The following LDB3 variants were observed in gnomAD, a reference collection of about 807,000 sequenced individuals.
LDB3 encodes the protein LIM domain binding 3.
A neutral mutation model predicts 69.0 loss-of-function variants in LDB3; 49 were observed. The ratio of observed to expected loss-of-function variants is 0.71; its 90% confidence interval spans 0.56 to 0.90. LDB3 has a LOEUF of 0.90. Among genes scored for constraint, LDB3 ranks in the 40% least tolerant of loss-of-function variants. The pLI, the probability that LDB3 is intolerant of heterozygous loss-of-function variation, is 0.00. For missense variants in LDB3, 928 were observed against 974.1 expected (o/e 0.95, Z 0.63); for synonymous variants, 387 against 396.2 (o/e 0.98, Z 0.28).
chr10:86,673,988 G>C (rs2675700), intron 2 of LDB3, among the ~76,000 whole-genome samples: 69,429 of 151,828 alleles, frequency 0.46, 16,121 homozygotes, highest in Non-Finnish European at 0.5. Flanking sequence ...TTGGACAGAA[G>C]TTTCCTCCCC....
intron 5 of LDB3, among the ~76,000 whole-genome samples, chr10:86,682,160 A>G (rs1276250482): frequency 6.6e-6 from 1 of 152,204 alleles, no homozygotes; most frequent in African/African-American, 2.4e-5. Flanking sequence ...ACAGGACAGC[A>G]CAGCCTGCAG....
In LDB3 at chr10:86,696,230, C is replaced by T. The variant is rs541701915; in HGVS notation, c.896+3659C>T. ...AGTTTTGCCCCCCCTGCAGCCACCTCGCTTACACGCCGCACAGCATAGGGC... is the reference window on the plus strand; with the variant it reads ...AGTTTTGCCCCCCCTGCAGCCACCTTGCTTACACGCCGCACAGCATAGGGC... On this transcript the variant is annotated intron_variant, in intron 7 of 13. Transcript: ENST00000361373. Among the ~76,000 whole-genome samples, 83 of 152,214 alleles carry T rather than the reference C, an allele frequency of 5.5e-4. 1 individual carries two copies. The South Asian group carries it at 0.017, about 31-fold the overall frequency.
intron 11 of LDB3, 96 bp downstream of exon 11, chr10:86,718,240 T>C: frequency 2.5e-6 from 3 of 1,213,310 alleles, no homozygotes; most frequent in South Asian, 1.2e-5. Context: ...AAGTTGCTGG[T>C]AACAGAGAAA....
At chr10:86,709,131 A>G (rs1247561066) in intron 8 of LDB3, among the ~76,000 whole-genome samples, 1 of 152,196 alleles carries the variant, frequency 6.6e-6, no homozygotes, top group Non-Finnish European at 1.5e-5. Flanking sequence ...ACAATTGGGG[A>G]ACACTGATCA....
chr10:86,672,940 C>T (rs2354362), intron 2 of LDB3, among the ~76,000 whole-genome samples: 43,031 of 151,990 alleles, frequency 0.28, 7,051 homozygotes, highest in East Asian at 0.46. Context: ...GGGCCAGGCT[C>T]TGCTGGGGGC....
At position 86,699,437 on chromosome 10, in the gene LDB3, G is replaced by T; in HGVS notation, c.896+6866G>T. ...CTCCCTCCATCCTTACCCCCACACA[G>T]ATCTGGCATGTGAGCCCCACGGTGA... is the stretch of plus-strand genomic sequence containing the variant. On this transcript the variant is annotated intron_variant, in intron 7 of 13. Transcript: ENST00000361373. The surrounding 1 kb of genome is among the most constrained non-coding windows in gnomAD (Gnocchi z 4.9). 1 of 1,610,906 alleles carries T rather than the reference G, an allele frequency of 6.2e-7. No homozygotes were observed.
At position 86,699,509 on chromosome 10, in the gene LDB3, C is replaced by T. The variant is rs901391973; in HGVS notation, c.896+6938C>T. 29 of 1,526,054 alleles carry T rather than the reference C, an allele frequency of 1.9e-5. No individual in the cohort carries two copies. The highest frequency in any genetic ancestry group is 9.7e-5 in the South Asian group (8 of 82,516). The allele number at this position is 1,526,054 out of a possible 1,614,324, so 94.5% of individuals were successfully genotyped here. ...GCTGGGGGCACCTCTGATGGCCAAC[C>T]GCAGCATTTCTGTCCTCTGCCCACC... is the stretch of plus-strand genomic sequence containing the variant. On this transcript the variant is annotated intron_variant, in intron 7 of 13. Transcript: ENST00000361373. This position sits in a 1 kb window ranked among gnomAD's most constrained non-coding sequence, Gnocchi z 4.9.
intron 7 of LDB3, among the ~76,000 whole-genome samples, chr10:86,705,008 G>A (rs749865475): frequency 2.6e-5 from 4 of 152,180 alleles, no homozygotes; most frequent in South Asian, 2.1e-4. Context: ...AAGCCACCAC[G>A]CCTGGCTAGG....
chr10:86,727,887 G>T (rs1289437480), intron 13 of LDB3, among the ~76,000 whole-genome samples: 1 of 150,600 alleles, frequency 6.6e-6, no homozygotes, highest in Non-Finnish European at 1.5e-5. Context: ...GCCCAGGCTG[G>T]GGTGCAATGG....
At chr10:86,671,684 G>T (rs1022204097) in intron 2 of LDB3, among the ~76,000 whole-genome samples, 1 of 152,200 alleles carries the variant, frequency 6.6e-6, no homozygotes, top group Non-Finnish European at 1.5e-5. Context: ...CTGTGGTCTG[G>T]GGTCTCACCT....
chr10:86,725,161 G>A (rs1010671960), intron 12 of LDB3, among the ~76,000 whole-genome samples: 3 of 152,190 alleles, frequency 2.0e-5, no homozygotes, highest in African/African-American at 7.2e-5. Context: ...ACGGGATGGA[G>A]CTTTTCTAGA....
chr10:86,709,215 G>A (rs765476470), intron 8 of LDB3, among the ~76,000 whole-genome samples: 15 of 152,210 alleles, frequency 9.9e-5, no homozygotes, highest in Non-Finnish European at 1.5e-5. Context: ...AGGCCACGAC[G>A]CACAGACTCT....
At chr10:86,676,578 A>G (rs572703683) in intron 2 of LDB3, among the ~76,000 whole-genome samples, 52 of 142,714 alleles carry the variant, frequency 3.6e-4, no homozygotes, top group Non-Finnish European at 5.8e-4. Flanking sequence ...AAAAAAAAAA[A>G]AGAGAAAGAA....
At chr10:86,719,658 C>T (rs1847005718) in intron 12 of LDB3, among the ~76,000 whole-genome samples, 1 of 152,206 alleles carries the variant, frequency 6.6e-6, no homozygotes, top group African/African-American at 2.4e-5. Flanking sequence ...GCGTGTAGAG[C>T]ATCAAATATG....
intron 12 of LDB3, 24 bp from the exon 13 acceptor site, chr10:86,726,113 T>G (rs776616932): frequency 4.4e-6 from 7 of 1,581,884 alleles, no homozygotes; most frequent in Non-Finnish European, 5.2e-6. Context: ...GGGTGCGGGG[T>G]CTTCACTCTG....
At chr10:86,676,581 A>G (rs1589613012) in intron 2 of LDB3, among the ~76,000 whole-genome samples, 6 of 135,304 alleles carry the variant, frequency 4.4e-5, no homozygotes, top group Admixed American at 7.5e-5. Context: ...AAAAAAAAAG[A>G]GAAAGAAAAA....
At chr10:86,681,307 G>A in intron 4 of LDB3, 129 bp from the exon 5 acceptor site, 2 of 1,396,190 alleles carry the variant, frequency 1.4e-6, no homozygotes, top group Admixed American at 1.7e-5. Context: ...GCTGCGCCCA[G>A]GCGCTCTGGG....
In LDB3 at chr10:86,712,661, G is replaced by A. The variant is rs78144183; in HGVS notation, c.1231+2611G>A. Among the ~76,000 whole-genome samples the A allele has an allele frequency of 6.2e-3, 942 of 152,264 alleles. 13 individuals are homozygous for A. The highest frequency in any genetic ancestry group is 0.021 in the African/African-American group (888 of 41,558). On this transcript the variant is annotated intron_variant, in intron 9 of 13. Coordinates refer to ENST00000361373, the MANE Select transcript of LDB3 (RefSeq NM_007078.3). The stretch of plus-strand genomic sequence containing the variant: ...CCTGGCATGTGGAAGCAGTCATTTT[G>A]GTGAAGGCAGCACCACGCAATAGAA...
chr10:86,679,756 G>T (rs1356936697), intron 3 of LDB3, among the ~76,000 whole-genome samples: 2 of 152,246 alleles, frequency 1.3e-5, no homozygotes, highest in Non-Finnish European at 2.9e-5. Context: ...TGGTCCTGGT[G>T]CTGCCCGTAC....
Sources: allele counts gnomAD v4.1 joint callset (sites outside exome capture counted in the v4.1 genomes callset), GRCh38; gene constraint gnomAD v4.1.1; non-coding constraint Gnocchi (gnomAD v3.1); transcripts MANE v1.5; gene names NCBI Gene and HGNC (gene_info 2026-07-23, HGNC 2026-07-21).